DNAAF11: variants seen among roughly 807,000 people sequenced by gnomAD.
DNAAF11 encodes the protein leucine rich repeat containing 6.
Under a neutral mutation model 60.8 loss-of-function variants are expected in DNAAF11, and 45 were observed. That is an observed-to-expected ratio of 0.74 (90% confidence interval 0.58 to 0.95). The LOEUF is 0.95. DNAAF11 is among the 40% of genes least tolerant of loss of function. DNAAF11 has a pLI of 0.00. For synonymous variants in DNAAF11, 191 were observed against 183.5 expected (o/e 1.04, Z -0.33); for missense variants, 546 against 546.2 (o/e 1.00, Z 0.00).
At chr8:132,661,113 A>T (rs1049847013) in intron 2 of DNAAF11, among the ~76,000 whole-genome samples, 1 of 152,108 alleles carries the variant, frequency 6.6e-6, no homozygotes, top group Non-Finnish European at 1.5e-5. Context: ...ATTCTCATAT[A>T]AATTTGTTTT....
At chr8:132,678,302 G>A (rs76361288), upstream of DNAAF11, among the ~76,000 whole-genome samples, 443 of 152,296 alleles carry the variant, frequency 2.9e-3, 1 homozygote, top group African/African-American at 0.01. Context: ...TAACAATGCT[G>A]TACACTGGAC....
chr8:132,686,408 G>A, the DNAAF11 span, among the ~76,000 whole-genome samples: 1 of 152,076 alleles, frequency 6.6e-6, no homozygotes, highest in African/African-American at 2.4e-5. Flanking sequence ...AAATGGGATG[G>A]GACATCTTTA....
At chr8:132,635,993 C>G (rs1821255512) in intron 4 of DNAAF11, among the ~76,000 whole-genome samples, 1 of 151,836 alleles carries the variant, frequency 6.6e-6, no homozygotes, top group South Asian at 2.1e-4. Context: ...AGGAACCAGT[C>G]CCGTCAACAT....
the DNAAF11 span, among the ~76,000 whole-genome samples, chr8:132,686,914 A>G: frequency 6.6e-6 from 1 of 152,204 alleles, no homozygotes; most frequent in Non-Finnish European, 1.5e-5. Flanking sequence ...TATTATATGT[A>G]GCATTGATCA....
At chr8:132,643,437 C>T in intron 3 of DNAAF11, 1 of 336,532 alleles carries the variant, frequency 3.0e-6, no homozygotes, top group South Asian at 2.5e-5. Context: ...CAGGAGGAGG[C>T]AGGTAGGATA....
At chr8:132,610,308 A>C in intron 9 of DNAAF11, 47 bp from the exon 10 acceptor site, 4 of 1,266,640 alleles carry the variant, frequency 3.2e-6, no homozygotes, top group Non-Finnish European at 4.6e-6. Flanking sequence ...AGGACGTTAC[A>C]TGAGAGGGTT....
intron 5 of DNAAF11, among the ~76,000 whole-genome samples, chr8:132,630,023 T>G (rs1820648801): frequency 6.6e-6 from 1 of 152,206 alleles, no homozygotes; most frequent in African/African-American, 2.4e-5. Context: ...TCTTCCAAGG[T>G]TCAGCAAGGA....
intron 3 of DNAAF11, among the ~76,000 whole-genome samples, chr8:132,655,386 C>G (rs1823442068): frequency 6.6e-6 from 1 of 151,998 alleles, no homozygotes; most frequent in Non-Finnish European, 1.5e-5. Context: ...AGAAGCACTT[C>G]TCAATTCATT....
In DNAAF11 at chr8:132,571,002, C is replaced by G. The variant is rs1007688334; in HGVS notation, c.*1304G>C. On this transcript the variant is annotated 3_prime_UTR_variant, in exon 12 of 12. Transcript: ENST00000620350. ...TCTACCTCTCCCTTCTAGAGCTTCA[C>G]TACCCAGCTCTTCCCACATTTGTGC... Among the ~76,000 whole-genome samples the G allele has an allele frequency of 6.6e-6, 1 of 152,230 alleles. No individual in the cohort carries two copies. Among genetic ancestry groups the G allele is most frequent in the Non-Finnish European group, 1.5e-5 (1 of 68,044 alleles).
chr8:132,636,641 C>G (rs778598644), intron 4 of DNAAF11, among the ~76,000 whole-genome samples: 4 of 152,152 alleles, frequency 2.6e-5, no homozygotes, highest in Non-Finnish European at 4.4e-5. Flanking sequence ...CATGAGGACT[C>G]CTGGACCCTT....
intron 4 of DNAAF11, among the ~76,000 whole-genome samples, chr8:132,634,885 A>G (rs1181187899): frequency 1.3e-5 from 2 of 151,636 alleles, no homozygotes; most frequent in African/African-American, 4.8e-5. Context: ...TTTCTTCCCA[A>G]CAGAACCCTG....
At chr8:132,677,413 C>T (rs967142891), upstream of DNAAF11, among the ~76,000 whole-genome samples, 1 of 151,876 alleles carries the variant, frequency 6.6e-6, no homozygotes, top group African/African-American at 2.4e-5. Flanking sequence ...CACAAAGAAA[C>T]GATGTCTCTT....
the DNAAF11 span, among the ~76,000 whole-genome samples, chr8:132,695,935 G>A: frequency 6.6e-6 from 1 of 152,200 alleles, no homozygotes; most frequent in Non-Finnish European, 1.5e-5. Context: ...TTGAGGATAA[G>A]TGAAAAGGTG....
At chr8:132,687,113 G>A in the DNAAF11 span, among the ~76,000 whole-genome samples, 2 of 152,142 alleles carry the variant, frequency 1.3e-5, no homozygotes, top group African/African-American at 4.8e-5. Context: ...ATACATGAAG[G>A]AGTCTACTCC....
intron 3 of DNAAF11, among the ~76,000 whole-genome samples, chr8:132,652,764 G>A (rs915810643): frequency 1.3e-5 from 2 of 152,074 alleles, no homozygotes; most frequent in African/African-American, 2.4e-5. Context: ...ACACAGGGAG[G>A]GGAACATCAC....
chr8:132,695,809 C>T, the DNAAF11 span, among the ~76,000 whole-genome samples: 1 of 151,994 alleles, frequency 6.6e-6, no homozygotes, highest in South Asian at 2.1e-4. Context: ...GTATTCGATT[C>T]AACCAGAATT....
At chr8:132,595,942 A>G (rs1393572877) in intron 10 of DNAAF11, among the ~76,000 whole-genome samples, 1 of 152,118 alleles carries the variant, frequency 6.6e-6, no homozygotes, top group African/African-American at 2.4e-5. Flanking sequence ...AACTGAATTC[A>G]GGATGTATTT....
intron 10 of DNAAF11, among the ~76,000 whole-genome samples, chr8:132,599,692 G>A (rs1817398244): frequency 6.6e-6 from 1 of 152,156 alleles, no homozygotes; most frequent in Non-Finnish European, 1.5e-5. Context: ...TATCTCAATA[G>A]ATGCAGAAAA....
At chr8:132,650,235 G>A (rs181436282) in intron 3 of DNAAF11, among the ~76,000 whole-genome samples, 44 of 152,254 alleles carry the variant, frequency 2.9e-4, no homozygotes, top group Non-Finnish European at 2.9e-5. Context: ...GGATGAAGCT[G>A]GAAACCATCA....
Sources: allele counts gnomAD v4.1 joint callset (sites outside exome capture counted in the v4.1 genomes callset), GRCh38; gene constraint gnomAD v4.1.1; transcripts MANE v1.5; gene names NCBI Gene and HGNC (gene_info 2026-07-23, HGNC 2026-07-21).